Variants in ZNF682 observed in about 807,000 individuals in gnomAD.
ZNF682 encodes zinc finger protein 682.
A neutral mutation model predicts 36.5 loss-of-function variants in ZNF682; 29 were observed. The observed-to-expected ratio is 0.80, with a 90% CI of 0.59 to 1.08. ZNF682 has a LOEUF of 1.08. Among genes scored for constraint, ZNF682 ranks in the 50% least tolerant of loss-of-function variants. The probability of loss-of-function intolerance (pLI) is 0.00; values close to 1 mark genes in which losing one functional copy is unlikely to be tolerated. For missense variants in ZNF682, 561 were observed against 579.7 expected, an observed-to-expected ratio of 0.97 and a Z score of 0.33; for synonymous variants, 180 against 197.0, an observed-to-expected ratio of 0.91 and a Z score of 0.72.
intron 3 of ZNF682, among the ~76,000 whole-genome samples, chr19:20,018,370 A>T (rs1363816389): frequency 3.9e-5 from 6 of 152,156 alleles, no homozygotes; most frequent in African/African-American, 1.2e-4. Context: ...CTGGGATTAC[A>T]GGCGTGAGCC....
intron 1 of ZNF682, among the ~76,000 whole-genome samples, chr19:20,024,963 T>C (rs2088419023): frequency 6.6e-6 from 1 of 152,258 alleles, no homozygotes; most frequent in South Asian, 2.1e-4. Context: ...ATATTATTCA[T>C]ACAGAGAAGT....
Position 20,006,256 on chromosome 19 carries a change from T to C in ZNF682, c.1246A>G (p.Lys416Glu), listed in dbSNP as rs1293915409. The change falls in exon 4 of 4, where the codon AAG becomes GAG. Residue 416 changes from lysine to glutamate, a missense_variant. By Grantham distance (56) the Lys-to-Glu change is moderately conservative (BLOSUM62 1). Coordinates refer to ENST00000397165, the MANE Select transcript of ZNF682 (RefSeq NM_033196.3). The stretch of plus-strand genomic sequence containing the variant: ...GGTTTCTCTCCAGTATGAATTCTCT[T>C]ATGTTCAGTAAGGATTGAGGACCAG... Reference protein sequence around the residue: ...FNWSSILTEHKRIHTGEKPYN... With the variant: ...FNWSSILTEHERIHTGEKPYN... The C allele has an allele frequency of 1.9e-6, 3 of 1,613,690 alleles. No individual in the cohort carries two copies. The highest frequency in any genetic ancestry group is 1.7e-6 in the Non-Finnish European group (2 of 1,179,974).
downstream of ZNF682, among the ~76,000 whole-genome samples, chr19:19,995,818 A>G (rs1462130496): frequency 6.6e-6 from 1 of 152,132 alleles, no homozygotes; most frequent in East Asian, 1.9e-4. Flanking sequence ...TTACATTTAA[A>G]CAGTTGTAAA....
intron 3 of ZNF682, among the ~76,000 whole-genome samples, chr19:20,022,225 A>G (rs1392888522): frequency 2.0e-5 from 3 of 151,892 alleles, no homozygotes; most frequent in South Asian, 4.2e-4. Context: ...ATAAGAAATC[A>G]TAAAGCAGAA....
At chr19:20,017,955 A>G (rs2088348628) in intron 3 of ZNF682, among the ~76,000 whole-genome samples, 1 of 151,886 alleles carries the variant, frequency 6.6e-6, no homozygotes, top group Admixed American at 6.6e-5. Context: ...GGATCAGATA[A>G]TTTCATTTTG....
At chr19:20,012,473 T>G (rs1407989036) in intron 3 of ZNF682, among the ~76,000 whole-genome samples, 1 of 152,012 alleles carries the variant, frequency 6.6e-6, no homozygotes, top group Admixed American at 6.6e-5. Flanking sequence ...CAATCTATAA[T>G]AAATTTAAAT....
Position 20,007,225 on chromosome 19 carries a change from C to T in ZNF682, c.277G>A (p.Asp93Asn), listed in dbSNP as rs1323227901. 1 of 1,613,442 alleles carries T rather than the reference C, an allele frequency of 6.2e-7. No individual in the cohort carries two copies. Among genetic ancestry groups the T allele is most frequent in the African/African-American group, 1.3e-5 (1 of 75,038 alleles). ...EDLLPEQCMQDSFQKVILRRY... is the reference protein window; with the variant it reads ...EDLLPEQCMQNSFQKVILRRY... ...CTCAGTATCACTTTTTGGAATGAAT[C>T]TTGCATGCACTGTTCTGGCAAAAGG... The change falls in exon 4 of 4, where the codon GAT (aspartate) becomes AAT (asparagine). Residue 93 changes from aspartate to asparagine, a missense_variant. Asp to Asn is a conservative substitution (Grantham distance 23). Coordinates refer to ENST00000397165, the MANE Select transcript of ZNF682 (RefSeq NM_033196.3).
chr19:20,013,130 A>G (rs2088304968), intron 3 of ZNF682, among the ~76,000 whole-genome samples: 1 of 152,194 alleles, frequency 6.6e-6, no homozygotes, highest in South Asian at 2.1e-4. Context: ...TCATTCTATT[A>G]GAATGTTAAC....
intron 1 of ZNF682, among the ~76,000 whole-genome samples, chr19:20,032,049 G>C (rs2088484214): frequency 6.6e-6 from 1 of 152,148 alleles, no homozygotes. Context: ...AGTTTCAAGA[G>C]GTGAATACAT....
chr19:20,013,046 C>G (rs1030730620), intron 3 of ZNF682, among the ~76,000 whole-genome samples: 1 of 151,946 alleles, frequency 6.6e-6, no homozygotes, highest in Non-Finnish European at 1.5e-5. Context: ...AAACAAGATT[C>G]AACTACATTC....
chr19:20,006,693 G>A lies in ZNF682; in HGVS notation c.809C>T (p.Ser270Leu). ...EECGKAFHWC[S>L]PFVRHKKIHT... ...AATTTTCTTATGTCTAACAAAGGGT[G>A]AACACCAGTGAAAGGCTTTTCCACA... The change falls in exon 4 of 4, where the codon TCA becomes TTA. Residue 270 changes from serine to leucine, a missense_variant. Transcript: ENST00000397165. 1.2e-6 allele frequency: 2 copies of A among 1,613,946 alleles called. No individual in the cohort carries two copies. Among genetic ancestry groups the A allele is most frequent in the Non-Finnish European group, 1.7e-6 (2 of 1,179,982 alleles).
At chr19:20,037,576 T>A (rs1020595278) in intron 1 of ZNF682, among the ~76,000 whole-genome samples, 22 of 120,592 alleles carry the variant, frequency 1.8e-4, no homozygotes, top group Non-Finnish European at 2.6e-4. Context: ...CAAGCCATTC[T>A]ATCATTTGGG....
intron 1 of ZNF682, among the ~76,000 whole-genome samples, chr19:20,026,260 G>A (rs1006340442): frequency 2.0e-5 from 3 of 151,426 alleles, no homozygotes; most frequent in African/African-American, 4.8e-5. Flanking sequence ...CCGAGATCGC[G>A]CCACTGCACT....
intron 1 of ZNF682, among the ~76,000 whole-genome samples, chr19:20,033,199 G>T (rs1173789175): frequency 6.6e-6 from 1 of 150,964 alleles, no homozygotes; most frequent in Non-Finnish European, 1.5e-5. Context: ...CTTGAACCTG[G>T]GAGGTGGAGG....
In ZNF682 at chr19:20,006,863, G is replaced by C; in HGVS notation, c.639C>G (p.Phe213Leu). 1 of 1,614,018 alleles carries C rather than the reference G, an allele frequency of 6.2e-7. No homozygotes were observed. Among genetic ancestry groups the C allele is most frequent in the Non-Finnish European group, 8.5e-7 (1 of 1,179,942 alleles). The change falls in exon 4 of 4, where the codon TTC (phenylalanine) becomes TTG (leucine). Residue 213 changes from phenylalanine (F) to leucine (L), a missense_variant. Coordinates refer to ENST00000397165, the MANE Select transcript of ZNF682 (RefSeq NM_033196.3). Reference sequence around the variant, plus strand: ...TTCTCTTATGTTTAGTAAGGTATGAGAACCACTTAAAGGTTTTGCCACATT... The same window carrying C: ...TTCTCTTATGTTTAGTAAGGTATGACAACCACTTAAAGGTTTTGCCACATT... ...CEECGKTFKW[F>L]SYLTKHKRIH... is the part of the protein sequence containing the mutation.
At chr19:20,010,142 G>C (rs1301052566) in intron 3 of ZNF682, among the ~76,000 whole-genome samples, 1 of 152,066 alleles carries the variant, frequency 6.6e-6, no homozygotes, top group Non-Finnish European at 1.5e-5. Flanking sequence ...GCAACCACTA[G>C]GTGAATTAAC....
chr19:20,006,646 T>G lies in ZNF682; in HGVS notation c.856A>C (p.Thr286Pro). The change falls in exon 4 of 4, where the codon ACA becomes CCA. Residue 286 changes from threonine (T) to proline (P), a missense_variant. Thr to Pro is a conservative substitution (Grantham distance 38, BLOSUM62 -1). Transcript: ENST00000397165. The stretch of plus-strand genomic sequence containing the variant: ...AACGCTCTGCCACAGTCTTCACATG[T>G]ATAGGGTTTTTCTCCTGTATGAATT... ...KKIHTGEKPY[T>P]CEDCGRAFNR... 6.2e-7 allele frequency: 1 copy of G among 1,614,142 alleles called. No homozygotes were observed. Among genetic ancestry groups the G allele is most frequent in the South Asian group, 1.1e-5 (1 of 91,084 alleles).
intron 3 of ZNF682, among the ~76,000 whole-genome samples, chr19:20,010,488 C>T (rs575174784): frequency 3.2e-4 from 48 of 151,696 alleles, no homozygotes; most frequent in Admixed American, 2.6e-3. Flanking sequence ...GGTGAAACCC[C>T]GTCTCTACTA....
At chr19:20,018,638 T>A (rs1169531338) in intron 3 of ZNF682, among the ~76,000 whole-genome samples, 2 of 152,142 alleles carry the variant, frequency 1.3e-5, no homozygotes, top group African/African-American at 4.8e-5. Flanking sequence ...GAAAACAGTT[T>A]TTTCAACAAA....
Sources: allele counts gnomAD v4.1 joint callset (sites outside exome capture counted in the v4.1 genomes callset), GRCh38; gene constraint gnomAD v4.1.1; transcripts MANE v1.5; gene names NCBI Gene and HGNC (gene_info 2026-07-23, HGNC 2026-07-21).